Variants in ADGRD1 observed in about 807,000 individuals in gnomAD.
The protein encoded by ADGRD1 is adhesion G protein-coupled receptor D1.
In ADGRD1, 77 loss-of-function variants were observed where a neutral mutation model predicts 113.4. The observed-to-expected ratio is 0.68, with a 90% CI of 0.57 to 0.82. The LOEUF is 0.82. Among genes scored for constraint, ADGRD1 ranks in the 40% least tolerant of loss-of-function variants. The pLI, the probability that ADGRD1 is intolerant of heterozygous loss-of-function variation, is 0.00. For synonymous variants in ADGRD1, 474 were observed against 475.0 expected, an observed-to-expected ratio of 1.00 and a Z score of 0.03; for missense variants, 1,036 against 1,139.1, an observed-to-expected ratio of 0.91 and a Z score of 1.30.
Position 130,966,339 on chromosome 12 carries a change from A to T in ADGRD1, c.104-124A>T, listed in dbSNP as rs1870985665. On this transcript the variant is annotated intron_variant, in intron 2 of 24. Transcript: ENST00000261654. The surrounding 1 kb of genome is among the most constrained non-coding windows in gnomAD (Gnocchi z 4.6). ...GTTGAATTTTATTAAATATGCTTTC[A>T]GTATCTCCCACAGACATGGGATCCT... The T allele has an allele frequency of 1.6e-6, 1 of 617,680 alleles. No homozygotes were observed. Among genetic ancestry groups the T allele is most frequent in the Non-Finnish European group, 2.9e-6 (1 of 342,558 alleles). 38.3% of individuals were successfully genotyped at this position (617,680 alleles called of 1,614,324 possible).
intron 13 of ADGRD1, among the ~76,000 whole-genome samples, chr12:131,076,439 G>A (rs1264446794): frequency 6.6e-6 from 1 of 152,162 alleles, no homozygotes; most frequent in East Asian, 1.9e-4. Flanking sequence ...CTCCTGCAGA[G>A]GCCTGGTAGG....
intron 13 of ADGRD1, among the ~76,000 whole-genome samples, chr12:131,058,980 G>A (rs1399536467): frequency 6.6e-6 from 1 of 152,182 alleles, no homozygotes; most frequent in Non-Finnish European, 1.5e-5. Flanking sequence ...TTATGGGGCT[G>A]CAGTGACACG....
At chr12:131,030,931 C>T (rs539190319) in intron 13 of ADGRD1, among the ~76,000 whole-genome samples, 7 of 152,326 alleles carry the variant, frequency 4.6e-5, no homozygotes, top group Admixed American at 2.6e-4. Context: ...TGGTTACAGC[C>T]ACCTCTGTCA....
At chr12:131,028,550 T>A (rs1421862602) in intron 13 of ADGRD1, among the ~76,000 whole-genome samples, 1 of 152,226 alleles carries the variant, frequency 6.6e-6, no homozygotes, top group Non-Finnish European at 1.5e-5. Flanking sequence ...CTGTGTTACC[T>A]GGAACATTTG....
Position 131,003,151 on chromosome 12 carries a change from A to T in ADGRD1, c.1027-34A>T. The T allele has an allele frequency of 6.4e-7, 1 of 1,552,428 alleles. No homozygotes were observed. Among genetic ancestry groups the T allele is most frequent in the Middle Eastern group, 1.7e-4 (1 of 5,954 alleles). ...CTGGTGCCCTGGCTGAGTGGGGTGG[A>T]TTTTCATGGCTCCTGGTGCTTGTGT... On this transcript the variant is annotated intron_variant, in intron 9 of 24. Coordinates refer to ENST00000261654, the MANE Select transcript of ADGRD1 (RefSeq NM_198827.5). This position sits in a 1 kb window ranked among gnomAD's most constrained non-coding sequence, Gnocchi z 4.8.
At chr12:131,102,505 G>A (rs1039231847) in intron 15 of ADGRD1, among the ~76,000 whole-genome samples, 62 of 152,310 alleles carry the variant, frequency 4.1e-4, no homozygotes, top group African/African-American at 1.3e-3. Flanking sequence ...GGGCAGCCTC[G>A]GGCCCCCGGG....
chr12:130,977,371 C>G (rs1872447295), intron 4 of ADGRD1: 1 of 152,276 alleles, frequency 6.6e-6, no homozygotes, highest in African/African-American at 2.4e-5. Context: ...TAGAGTGGGG[C>G]TTTGGGGTGG....
At chr12:131,094,093 CAGCACCCAGCCCTG>C (rs1195680300) in intron 15 of ADGRD1, among the ~76,000 whole-genome samples, 4 of 150,844 alleles carry the variant, frequency 2.7e-5, no homozygotes, top group Non-Finnish European at 3.0e-5. Flanking sequence ...CACCCAGTCT[CAGCACCCAGCCCTG>C]AGCACCCAGC....
chr12:131,005,911 G>T, intron 11 of ADGRD1, 61 bp from the exon 12 acceptor site: 1 of 1,320,014 alleles, frequency 7.6e-7, no homozygotes, highest in South Asian at 1.2e-5. Flanking sequence ...GTGGGGCTTT[G>T]TGTTTTTCCT....
At chr12:130,996,193 G>A (rs1323958713) in intron 8 of ADGRD1, among the ~76,000 whole-genome samples, 5 of 142,074 alleles carry the variant, frequency 3.5e-5, no homozygotes, top group African/African-American at 5.4e-5. Flanking sequence ...ACACAGACAC[G>A]GCAACCATCT....
chr12:131,136,108 TCA>T lies in ADGRD1; in HGVS notation c.2340_2341del (p.Asn781ArgfsTer173). ...TCGTGGGTCTTTGGCGTGCTTGCTG[TCA>T]ACGGTTGTGCTGTGGTTTTCCAGTA... is the stretch of plus-strand genomic sequence containing the variant. On this transcript the variant is annotated frameshift_variant, in exon 22 of 25. Transcript: ENST00000261654. LOFTEE classifies it high-confidence loss of function. 6.2e-6 allele frequency: 10 copies of T among 1,614,208 alleles called. No homozygotes were observed. Among genetic ancestry groups the T allele is most frequent in the Non-Finnish European group, 8.5e-6 (10 of 1,180,040 alleles).
intron 13 of ADGRD1, chr12:131,069,958 T>C (rs1885022304): frequency 1.3e-5 from 2 of 152,240 alleles, no homozygotes; most frequent in African/African-American, 4.8e-5. Context: ...AGTCCCTTGC[T>C]TTCCAATAAC....
At chr12:131,048,578 G>A (rs372407848) in intron 13 of ADGRD1, among the ~76,000 whole-genome samples, 6 of 152,198 alleles carry the variant, frequency 3.9e-5, no homozygotes, top group South Asian at 2.1e-4. Context: ...ATGGATTTGC[G>A]GGGCGGACGG....
chr12:131,019,137 G>A (rs1878998795), intron 13 of ADGRD1, among the ~76,000 whole-genome samples: 1 of 152,224 alleles, frequency 6.6e-6, no homozygotes, highest in African/African-American at 2.4e-5. Flanking sequence ...TTCAGACCCT[G>A]ACCTTGGGCC....
rs1566136124 is a variant in ADGRD1, at chr12:131,129,009, GGTGTGAGTGACAGGCCCGCCCTGCTGTCT to G, written c.2176-2714_2176-2686del. 1.5e-3 allele frequency among the ~76,000 whole-genome samples: 137 copies of G among 92,034 alleles called. 11 individuals are homozygous for G. Among genetic ancestry groups the G allele is most frequent in the Middle Eastern group, 6.5e-3 (1 of 154 alleles). The allele number at this position is 92,034 out of a possible 152,430, so 60.4% of individuals were successfully genotyped here. ...GAGTGGCAGCCCCGCCCTGCTGTCT[GGTGTGAGTGACAGGCCCGCCCTGCTGTCT>G]GGTGTGAGTGACAGGCCGGCCCTGC... On this transcript the variant is annotated intron_variant, in intron 20 of 24. Transcript: ENST00000261654.
At chr12:131,089,662 C>T (rs1390886340) in intron 15 of ADGRD1, among the ~76,000 whole-genome samples, 1 of 150,414 alleles carries the variant, frequency 6.6e-6, no homozygotes, top group Non-Finnish European at 1.5e-5. Context: ...AAGGTGCTCC[C>T]TGCCTATGGG....
At position 131,075,267 on chromosome 12, in the gene ADGRD1, C is replaced by A. The variant is rs1593168297; in HGVS notation, c.1474-1534C>A. ...CTGGGCCCAAGGAAGCCTCATTACA[C>A]CCCTCCGAGAACCAGGCTGTGGCCA... On this transcript the variant is annotated intron_variant, in intron 13 of 24. Coordinates refer to ENST00000261654, the MANE Select transcript of ADGRD1 (RefSeq NM_198827.5). This position sits in a 1 kb window ranked among gnomAD's most constrained non-coding sequence, Gnocchi z 5.3. Among the ~76,000 whole-genome samples, 1 of 152,144 alleles carries A rather than the reference C, an allele frequency of 6.6e-6. No homozygotes were observed. Among genetic ancestry groups the A allele is most frequent in the Non-Finnish European group, 1.5e-5 (1 of 68,038 alleles).
intron 13 of ADGRD1, among the ~76,000 whole-genome samples, chr12:131,072,902 C>T (rs182309149): frequency 1.3e-5 from 2 of 152,362 alleles, no homozygotes; most frequent in African/African-American, 2.4e-5. Context: ...GCACTGCTCA[C>T]CTCTGCCCAG....
chr12:130,992,067 G>A (rs1230898658), intron 7 of ADGRD1, among the ~76,000 whole-genome samples, 170 bp from the exon 8 acceptor site: 1 of 151,254 alleles, frequency 6.6e-6, no homozygotes, highest in Admixed American at 6.6e-5. Flanking sequence ...GCTGCAGTGA[G>A]CCGAGATTGC....
Sources: gnomAD v4.1 joint callset for allele counts (sites outside exome capture counted in the v4.1 genomes callset) on GRCh38, gnomAD v4.1.1 for gene constraint, Gnocchi (gnomAD v3.1) non-coding constraint, MANE v1.5 for transcripts, NCBI Gene and HGNC (gene_info 2026-07-23, HGNC 2026-07-21) for gene names.